Variants in SEMA3E observed in about 807,000 individuals in gnomAD.
SEMA3E encodes the protein semaphorin-3E.
In SEMA3E, 49 loss-of-function variants were observed where a neutral mutation model predicts 93.6. The observed-to-expected ratio is 0.52, with a 90% CI of 0.42 to 0.66. SEMA3E has a LOEUF of 0.66. Among genes scored for constraint, SEMA3E ranks in the 30% least tolerant of loss-of-function variants. The probability of loss-of-function intolerance (pLI) is 0.00; values close to 1 mark genes in which losing one functional copy is unlikely to be tolerated. For synonymous variants in SEMA3E, 363 were observed against 330.7 expected (o/e 1.10, Z -1.06); for missense variants, 906 against 964.8 (o/e 0.94, Z 0.81).
At chr7:83,408,219 T>C in intron 6 of SEMA3E, 149 bp downstream of exon 6, 1 of 869,548 alleles carries the variant, frequency 1.2e-6, no homozygotes, top group Non-Finnish European at 1.8e-6. Context: ...ATATACAATA[T>C]TTTAATTCAA....
At chr7:83,426,273 T>G (rs1324112016) in intron 4 of SEMA3E, among the ~76,000 whole-genome samples, 1 of 151,754 alleles carries the variant, frequency 6.6e-6, no homozygotes, top group Non-Finnish European at 1.5e-5. Flanking sequence ...GACACATGCA[T>G]TTGTATGTTC....
intron 3 of SEMA3E, among the ~76,000 whole-genome samples, chr7:83,469,003 GTTGA>G (rs1310656670): frequency 6.6e-6 from 1 of 152,084 alleles, no homozygotes; most frequent in African/African-American, 2.4e-5. Flanking sequence ...ATAAACCCAA[GTTGA>G]TTAAGATATT....
intron 1 of SEMA3E, among the ~76,000 whole-genome samples, chr7:83,512,398 G>T (rs916975806): frequency 2.0e-5 from 3 of 152,140 alleles, no homozygotes; most frequent in African/African-American, 7.2e-5. Context: ...TACCTAGAGG[G>T]ACTCACAAAA....
At chr7:83,575,956 A>T (rs1792393443) in intron 1 of SEMA3E, among the ~76,000 whole-genome samples, 1 of 152,198 alleles carries the variant, frequency 6.6e-6, no homozygotes, top group South Asian at 2.1e-4. Flanking sequence ...GCATTTATTG[A>T]ATTGCATAGT....
At chr7:83,485,895 T>C (rs1790241634) in intron 2 of SEMA3E, among the ~76,000 whole-genome samples, 1 of 152,118 alleles carries the variant, frequency 6.6e-6, no homozygotes, top group African/African-American at 2.4e-5. Context: ...TATATCCTTT[T>C]CTGTATGAAA....
intron 4 of SEMA3E, among the ~76,000 whole-genome samples, chr7:83,434,745 G>A (rs1168913613): frequency 7.7e-6 from 1 of 130,640 alleles, no homozygotes; most frequent in Non-Finnish European, 1.5e-5. Context: ...ACGGAGTCTC[G>A]CTCTGTCGCC....
At chr7:83,627,106 G>A (rs1160160773) in intron 1 of SEMA3E, among the ~76,000 whole-genome samples, 2 of 152,176 alleles carry the variant, frequency 1.3e-5, no homozygotes, top group African/African-American at 2.4e-5. Flanking sequence ...TGCATTTGCT[G>A]AGGAGTGTTT....
chr7:83,402,685 C>T lies in SEMA3E; in HGVS notation c.1090G>A (p.Glu364Lys). ...NGPYAHKEGP[E>K]YHWSVYEGKV... ...CCTTCATAGACTGACCAGTGGTATTCAGGTCCTTCCTTATGTGCATATGGT... is the reference window on the plus strand; with the variant it reads ...CCTTCATAGACTGACCAGTGGTATTTAGGTCCTTCCTTATGTGCATATGGT... The change falls in exon 10 of 17, where the codon GAA (glutamate) becomes AAA (lysine). Residue 364 changes from glutamate (E) to lysine (K), a missense_variant. Transcript: ENST00000643230. 6.2e-7 allele frequency: 1 copy of T among 1,613,052 alleles called. No homozygotes were observed. The highest frequency in any genetic ancestry group is 8.5e-7 in the Non-Finnish European group (1 of 1,179,250).
chr7:83,406,375 T>A (rs1364646486), intron 7 of SEMA3E, among the ~76,000 whole-genome samples: 3 of 152,016 alleles, frequency 2.0e-5, no homozygotes. Context: ...TCATGATTAT[T>A]ACTTTGTTCA....
chr7:83,456,383 G>T (rs1393563941), intron 4 of SEMA3E, among the ~76,000 whole-genome samples: 2 of 152,086 alleles, frequency 1.3e-5, no homozygotes, highest in Non-Finnish European at 2.9e-5. Context: ...ACTTTTGAGA[G>T]AATAGCAGCA....
At chr7:83,379,515 T>A (rs2116908215) in intron 16 of SEMA3E, among the ~76,000 whole-genome samples, 1 of 152,068 alleles carries the variant, frequency 6.6e-6, no homozygotes, top group East Asian at 1.9e-4. Context: ...TAATTACAAC[T>A]TATTTTCTAC....
intron 1 of SEMA3E, among the ~76,000 whole-genome samples, chr7:83,531,683 A>T (rs1384029861): frequency 6.6e-6 from 1 of 152,192 alleles, no homozygotes; most frequent in African/African-American, 2.4e-5. Context: ...AGACATCTTC[A>T]AATATCCATA....
intron 1 of SEMA3E, among the ~76,000 whole-genome samples, chr7:83,586,002 T>C (rs1014834132): frequency 4.6e-5 from 7 of 152,190 alleles, no homozygotes; most frequent in African/African-American, 1.7e-4. Flanking sequence ...CTTTGGGTAG[T>C]GGGTTTAATG....
At chr7:83,567,582 C>T (rs1055951577) in intron 1 of SEMA3E, among the ~76,000 whole-genome samples, 1 of 151,990 alleles carries the variant, frequency 6.6e-6, no homozygotes, top group African/African-American at 2.4e-5. Flanking sequence ...TGGAATAACA[C>T]CAGAAGTCAG....
chr7:83,475,218 G>A (rs139040741), intron 2 of SEMA3E, among the ~76,000 whole-genome samples: 21 of 151,888 alleles, frequency 1.4e-4, no homozygotes, highest in African/African-American at 4.8e-4. Flanking sequence ...TAAAATGAAG[G>A]CTTCTTTAAA....
At chr7:83,386,852 A>T (rs1312608046) in intron 15 of SEMA3E, 131 bp downstream of exon 15, 2 of 844,268 alleles carry the variant, frequency 2.4e-6, no homozygotes, top group Non-Finnish European at 3.7e-6. Context: ...TGTCAGAGAA[A>T]AAGAATACTT....
chr7:83,648,359 ACTTTTTTTTTCTTTTTT>A, intron 1 of SEMA3E, 52 bp downstream of exon 1: 3 of 1,212,016 alleles, frequency 2.5e-6, no homozygotes, highest in Non-Finnish European at 3.6e-6. Context: ...ATGTTAAACG[ACTTTTTTTTTCTTTTTT>A]CTTTTTCTTT....
intron 1 of SEMA3E, among the ~76,000 whole-genome samples, chr7:83,522,523 G>C: frequency 6.6e-6 from 1 of 151,990 alleles, no homozygotes; most frequent in Non-Finnish European, 1.5e-5. Context: ...GCCTGAGATT[G>C]CATCCTTATT....
intron 1 of SEMA3E, among the ~76,000 whole-genome samples, chr7:83,600,169 C>A (rs1232461356): frequency 6.6e-6 from 1 of 152,098 alleles, no homozygotes; most frequent in Admixed American, 6.5e-5. Flanking sequence ...GCTCTGGCAG[C>A]TTTGTTCATA....
Sources: gnomAD v4.1 joint callset for allele counts (sites outside exome capture counted in the v4.1 genomes callset) on GRCh38, gnomAD v4.1.1 for gene constraint, MANE v1.5 for transcripts, NCBI Gene and HGNC (gene_info 2026-07-23, HGNC 2026-07-21) for gene names.